CPQ: variants seen among roughly 807,000 people sequenced by gnomAD.
CPQ encodes carboxypeptidase Q, also known as Ser-Met dipeptidase.
CPQ carries 37 observed loss-of-function variants against 45.7 expected under a neutral mutation model. The ratio of observed to expected loss-of-function variants is 0.81; its 90% CI spans 0.62 to 1.07. CPQ has a LOEUF of 1.07. Among genes scored for constraint, CPQ ranks in the 50% least tolerant of loss-of-function variants. The pLI, the probability that CPQ is intolerant of heterozygous loss-of-function variation, is 0.00. For synonymous variants in CPQ, 186 were observed against 205.8 expected (o/e 0.90, Z 0.82); for missense variants, 537 against 572.9 (o/e 0.94, Z 0.64).
At chr8:97,031,192 T>TAA (rs1809898984) in intron 6 of CPQ, among the ~76,000 whole-genome samples, 1 of 149,672 alleles carries the variant, frequency 6.7e-6, no homozygotes, top group Non-Finnish European at 1.5e-5. Flanking sequence ...ACTATTCTTT[T>TAA]TTTTTTTTTT....
intron 7 of CPQ, among the ~76,000 whole-genome samples, chr8:97,090,683 A>G (rs1811111628): frequency 6.6e-6 from 1 of 152,214 alleles, no homozygotes; most frequent in South Asian, 2.1e-4. Flanking sequence ...GAAAAAAATT[A>G]GGTTAAACCA....
At chr8:96,654,512 A>G (rs1649639995) in intron 1 of CPQ, among the ~76,000 whole-genome samples, 1 of 152,176 alleles carries the variant, frequency 6.6e-6, no homozygotes, top group South Asian at 2.1e-4. Context: ...AGTACTGTGT[A>G]TAATGAGCCT....
rs531958173 is a variant in CPQ at position 96,873,518 on chromosome 8, A to G, written c.642-6280A>G. ...GGTGCTAAATTAAAAAAAATTAATA[A>G]AGTCAATTGAAAATTTTCCAAGAGT... On this transcript the variant is annotated intron_variant, in intron 3 of 7. Transcript: ENST00000220763. 9.2e-5 allele frequency among the ~76,000 whole-genome samples: 14 copies of G among 151,870 alleles called. No individual in the cohort carries two copies. In the South Asian group the frequency reaches 2.9e-3, roughly 31 times the overall value.
At chr8:96,763,413 T>C (rs897728602) in intron 1 of CPQ, among the ~76,000 whole-genome samples, 1 of 152,200 alleles carries the variant, frequency 6.6e-6, no homozygotes, top group African/African-American at 2.4e-5. Flanking sequence ...TATGGGTTGA[T>C]TTCTGCACTC....
intron 2 of CPQ, among the ~76,000 whole-genome samples, chr8:96,801,012 G>C (rs892121770): frequency 7.1e-5 from 10 of 141,170 alleles, no homozygotes; most frequent in Admixed American, 6.1e-4. Context: ...GTCTCACTCT[G>C]TCACCCTGGC....
chr8:96,849,568 T>G (rs564737363), intron 3 of CPQ, among the ~76,000 whole-genome samples: 1 of 152,328 alleles, frequency 6.6e-6, no homozygotes, highest in Non-Finnish European at 1.5e-5. Context: ...AGCTGGATCC[T>G]CAATGCCTAT....
chr8:96,717,078 CGTATAT>C lies in CPQ; in HGVS notation c.-34-67785_-34-67780del, dbSNP rs1809691221. ...ATATATATATATATATATATATATA[CGTATAT>C]ATACACACACACACACACCACATTT... On this transcript the variant is annotated intron_variant, in intron 1 of 7. Coordinates refer to ENST00000220763, the MANE Select transcript of CPQ (RefSeq NM_016134.4). 1.9e-3 allele frequency among the ~76,000 whole-genome samples: 97 copies of C among 51,562 alleles called. 1 individual carries two copies. Among genetic ancestry groups the C allele is most frequent in the African/African-American group, 9.2e-3 (95 of 10,298 alleles). The allele number at this position is 51,562 out of a possible 152,430, so 33.8% of individuals were successfully genotyped here. A position where few individuals can be genotyped will look rare whatever the true frequency, so the allele number is the denominator to read the frequency against.
intron 3 of CPQ, among the ~76,000 whole-genome samples, chr8:96,849,400 A>T (rs1415574774): frequency 6.6e-6 from 1 of 152,186 alleles, no homozygotes; most frequent in Non-Finnish European, 1.5e-5. Flanking sequence ...ATGTTGCAGG[A>T]TGCATTCTTG....
At chr8:96,666,067 G>T (rs1808921324) in intron 1 of CPQ, among the ~76,000 whole-genome samples, 1 of 151,298 alleles carries the variant, frequency 6.6e-6, no homozygotes, top group Admixed American at 6.6e-5. Flanking sequence ...TGTGGGGTTT[G>T]TGGGAAGGAA....
intron 1 of CPQ, among the ~76,000 whole-genome samples, chr8:96,706,706 C>T (rs916135716): frequency 9.2e-5 from 14 of 151,988 alleles, no homozygotes; most frequent in South Asian, 6.2e-4. Flanking sequence ...TTACATTTTC[C>T]GGTTTCATTA....
intron 7 of CPQ, among the ~76,000 whole-genome samples, chr8:97,138,202 C>A (rs983796668): frequency 6.6e-5 from 10 of 152,198 alleles, no homozygotes; most frequent in Non-Finnish European, 1.3e-4. Flanking sequence ...TAGTTGCCAA[C>A]TTTATCTGCC....
At chr8:96,647,695 G>C (rs767128049) in intron 1 of CPQ, among the ~76,000 whole-genome samples, 1 of 152,168 alleles carries the variant, frequency 6.6e-6, no homozygotes, top group Admixed American at 6.5e-5. Flanking sequence ...GAGAGCACAG[G>C]GTGAAATGAT....
At chr8:96,654,223 C>T (rs1024661895) in intron 1 of CPQ, among the ~76,000 whole-genome samples, 2 of 152,214 alleles carry the variant, frequency 1.3e-5, no homozygotes, top group Non-Finnish European at 2.9e-5. Flanking sequence ...TTGAATTTCT[C>T]CAAGATTCAT....
chr8:96,911,999 A>T (rs758336156), intron 4 of CPQ, among the ~76,000 whole-genome samples: 1 of 152,164 alleles, frequency 6.6e-6, no homozygotes, highest in African/African-American at 2.4e-5. Context: ...CTGTAAAGTG[A>T]TGATAACGGT....
chr8:96,666,485 G>T (rs972718534), intron 1 of CPQ, among the ~76,000 whole-genome samples: 1 of 152,212 alleles, frequency 6.6e-6, no homozygotes, highest in Admixed American at 6.5e-5. Context: ...TAGTTTAGGT[G>T]CAGAGTACAG....
chr8:96,666,891 GT>G (rs1808932179), intron 1 of CPQ, among the ~76,000 whole-genome samples: 1 of 152,062 alleles, frequency 6.6e-6, no homozygotes, highest in Admixed American at 6.6e-5. Context: ...AGGTACCAGT[GT>G]TTTCCTCAAT....
rs75009468 is a variant in CPQ, at chr8:97,028,040, T to C, written c.962-1363T>C. 4.3e-3 allele frequency among the ~76,000 whole-genome samples: 656 copies of C among 152,302 alleles called. 4 individuals carry two copies. Among genetic ancestry groups the C allele is most frequent in the Non-Finnish European group, 7.4e-3 (504 of 68,030 alleles). ...GTGGCCAAGATGAGAATTTGGATTT[T>C]ATATGGACTTAGATGGAAACACCAA... On this transcript the variant is annotated intron_variant, in intron 5 of 7. Coordinates refer to ENST00000220763, the MANE Select transcript of CPQ (RefSeq NM_016134.4).
At chr8:96,762,842 T>C (rs1374965835) in intron 1 of CPQ, among the ~76,000 whole-genome samples, 3 of 152,218 alleles carry the variant, frequency 2.0e-5, no homozygotes, top group African/African-American at 7.2e-5. Context: ...GTTTTAAATT[T>C]AGGCGTATGA....
chr8:96,745,642 C>G (rs1810169810), intron 1 of CPQ, among the ~76,000 whole-genome samples: 1 of 152,154 alleles, frequency 6.6e-6, no homozygotes, highest in Admixed American at 6.5e-5. Flanking sequence ...AGTCAAACAA[C>G]TAGTAACTGG....
Sources: gnomAD v4.1 joint callset for allele counts (sites outside exome capture counted in the v4.1 genomes callset) on GRCh38, gnomAD v4.1.1 for gene constraint, MANE v1.5 for transcripts, NCBI Gene and HGNC (gene_info 2026-07-23, HGNC 2026-07-21) for gene names.